Variants in CAMK1D observed in about 807,000 individuals in gnomAD.
CAMK1D encodes the protein calcium/calmodulin dependent protein kinase ID, also known as calcium/calmodulin-dependent protein kinase type 1D.
A neutral mutation model predicts 47.7 loss-of-function variants in CAMK1D; 9 were observed. The ratio of observed to expected loss-of-function variants is 0.19; its 90% CI spans 0.11 to 0.33. The LOEUF is 0.33. Among genes scored for constraint, CAMK1D ranks in the 10% least tolerant of loss-of-function variants. CAMK1D has a pLI of 1.00. For synonymous variants in CAMK1D, 184 were observed against 184.9 expected, an observed-to-expected ratio of 0.99 and a Z score of 0.04; for missense variants, 291 against 488.7, an observed-to-expected ratio of 0.60 and a Z score of 3.81.
Position 12,833,918 on chromosome 10 carries a change from A to T in CAMK1D, c.*5031A>T, listed in dbSNP as rs1053006106. ...AGACCAAACACTGTTCAGTTTGTTA[A>T]AAAAAAAAAAAAAAAAAAAAGATGT... On this transcript the variant is annotated 3_prime_UTR_variant, in exon 11 of 11. Coordinates refer to ENST00000619168, the MANE Select transcript of CAMK1D (RefSeq NM_153498.4). The T allele has an allele frequency of 7.6e-6, 1 of 130,844 alleles. No individual in the cohort carries two copies. The highest frequency in any genetic ancestry group is 3.3e-5 in the African/African-American group (1 of 29,972). 8.1% of individuals were successfully genotyped at this position (130,844 alleles called of 1,614,324 possible). A position where few individuals can be genotyped will look rare whatever the true frequency, so the allele number is the denominator to read the frequency against.
At chr10:12,541,842 T>TCTTCCTTCCTTCCTTC (rs150179810) in intron 1 of CAMK1D, among the ~76,000 whole-genome samples, 8,505 of 116,518 alleles carry the variant, frequency 0.073, 627 homozygotes, top group Non-Finnish European at 0.083. Flanking sequence ...CTGTGTTTTA[T>TCTTCCTTCCTTCCTTC]CTTCCTTCCT....
intron 3 of CAMK1D, among the ~76,000 whole-genome samples, chr10:12,733,873 A>G (rs542879604): frequency 1.3e-5 from 2 of 152,232 alleles, no homozygotes; most frequent in African/African-American, 2.4e-5. Flanking sequence ...CAGTCATTGT[A>G]TGTATACTCA....
intron 1 of CAMK1D, among the ~76,000 whole-genome samples, chr10:12,535,698 G>A (rs954972934): frequency 2.0e-5 from 3 of 152,172 alleles, no homozygotes; most frequent in Admixed American, 1.3e-4. Context: ...TGAAGGTTTG[G>A]TGCTTGATTT....
intron 2 of CAMK1D, among the ~76,000 whole-genome samples, chr10:12,657,596 G>A (rs779633558): frequency 6.6e-6 from 1 of 152,128 alleles, no homozygotes; most frequent in African/African-American, 2.4e-5. Context: ...CAGCTAGAAT[G>A]GTGCTGTCTT....
chr10:12,703,741 C>G (rs910741631), intron 3 of CAMK1D, among the ~76,000 whole-genome samples: 7 of 151,970 alleles, frequency 4.6e-5, no homozygotes, highest in African/African-American at 1.7e-4. Context: ...TGGTGGCATG[C>G]GCCTGTAGTC....
At chr10:12,443,243 G>A (rs1832833721) in intron 1 of CAMK1D, among the ~76,000 whole-genome samples, 1 of 152,182 alleles carries the variant, frequency 6.6e-6, no homozygotes, top group Non-Finnish European at 1.5e-5. Context: ...AATGTATTCA[G>A]TATTCATGGA....
intron 1 of CAMK1D, among the ~76,000 whole-genome samples, chr10:12,453,885 T>A (rs1441796571): frequency 1.3e-5 from 2 of 152,238 alleles, no homozygotes; most frequent in East Asian, 3.8e-4. Context: ...AAGATCTTTT[T>A]AGAATTCTGA....
intron 5 of CAMK1D, among the ~76,000 whole-genome samples, chr10:12,777,190 CA>C (rs1837288030): frequency 6.6e-6 from 1 of 151,980 alleles, no homozygotes; most frequent in South Asian, 2.1e-4. Context: ...GTCAGGGGGA[CA>C]AGCTGGATCC....
chr10:12,362,305 T>G (rs187172420), intron 1 of CAMK1D, among the ~76,000 whole-genome samples: 1 of 152,140 alleles, frequency 6.6e-6, no homozygotes, highest in Admixed American at 6.5e-5. Context: ...CTCAGTGAAT[T>G]TGGCTACTTT....
chr10:12,615,687 G>C (rs963766129), intron 2 of CAMK1D, among the ~76,000 whole-genome samples: 1 of 146,544 alleles, frequency 6.8e-6, no homozygotes, highest in Non-Finnish European at 1.5e-5. Context: ...GTATAGGTGT[G>C]TGTGGTTTGT....
chr10:12,457,951 G>C (rs1450222986), intron 1 of CAMK1D, among the ~76,000 whole-genome samples: 2 of 152,158 alleles, frequency 1.3e-5, no homozygotes, highest in African/African-American at 4.8e-5. Context: ...TGCCTCCTTT[G>C]CATGGGTCTT....
intron 1 of CAMK1D, among the ~76,000 whole-genome samples, chr10:12,358,892 T>G (rs1489842586): frequency 1.3e-5 from 2 of 152,144 alleles, no homozygotes; most frequent in African/African-American, 4.8e-5. Context: ...CAGGTTCCAT[T>G]GGGGAAGAAC....
chr10:12,789,806 T>C lies in CAMK1D; in HGVS notation c.566-1352T>C, dbSNP rs1231808293. ...AAGACCTAACTCAGAATCCAACAAG[T>C]ACTTTGTCAGCTCTAGCTATTTGTC... On this transcript the variant is annotated intron_variant, in intron 5 of 10. Coordinates refer to ENST00000619168, the MANE Select transcript of CAMK1D (RefSeq NM_153498.4). Among the ~76,000 whole-genome samples, 5 of 108,534 alleles carry C rather than the reference T, an allele frequency of 4.6e-5. No homozygotes were observed. In the East Asian group the frequency reaches 8.9e-4, roughly 19 times the overall value. 71.2% of individuals were successfully genotyped at this position (108,534 alleles called of 152,430 possible). A position where few individuals can be genotyped will look rare whatever the true frequency, so the allele number is the denominator to read the frequency against.
chr10:12,701,634 A>G (rs1833522488), intron 3 of CAMK1D, among the ~76,000 whole-genome samples: 1 of 152,222 alleles, frequency 6.6e-6, no homozygotes, highest in Non-Finnish European at 1.5e-5. Context: ...ATGTTTAAGT[A>G]TCTATCTTCC....
At chr10:12,473,032 G>A (rs1292472908) in intron 1 of CAMK1D, among the ~76,000 whole-genome samples, 3 of 152,112 alleles carry the variant, frequency 2.0e-5, no homozygotes, top group Non-Finnish European at 4.4e-5. Context: ...ATGCCTGACC[G>A]GAAGTCAGGA....
At chr10:12,559,927 A>G (rs951643254) in intron 2 of CAMK1D, among the ~76,000 whole-genome samples, 1 of 152,186 alleles carries the variant, frequency 6.6e-6, no homozygotes, top group East Asian at 1.9e-4. Context: ...GGCCGAAGTC[A>G]GGATGGATGG....
At chr10:12,746,111 C>G (rs1026817902) in intron 3 of CAMK1D, among the ~76,000 whole-genome samples, 4 of 152,080 alleles carry the variant, frequency 2.6e-5, no homozygotes, top group Admixed American at 6.6e-5. Context: ...GCCTGTAGAG[C>G]TATTAAAAAG....
rs28444581 is a variant in CAMK1D at position 12,399,486 on chromosome 10, A to G, written c.92+49576A>G. 9.9e-3 allele frequency among the ~76,000 whole-genome samples: 1,504 copies of G among 152,080 alleles called. 14 individuals carry two copies. Among genetic ancestry groups the G allele is most frequent in the African/African-American group, 0.028 (1,181 of 41,486 alleles). On this transcript the variant is annotated intron_variant, in intron 1 of 10. Coordinates refer to ENST00000619168, the MANE Select transcript of CAMK1D (RefSeq NM_153498.4). ...ACCACTGCACTCTTGCCTGGGTGAC[A>G]GAGCAAGACTCCGTCTGAAAAAAAA...
intron 3 of CAMK1D, among the ~76,000 whole-genome samples, chr10:12,744,393 A>C (rs968711809): frequency 6.6e-6 from 1 of 152,182 alleles, no homozygotes; most frequent in Non-Finnish European, 1.5e-5. Flanking sequence ...ACTTTTTGAG[A>C]AATTGTTAAA....
Sources: allele counts gnomAD v4.1 joint callset (sites outside exome capture counted in the v4.1 genomes callset), GRCh38; gene constraint gnomAD v4.1.1; transcripts MANE v1.5; gene names NCBI Gene and HGNC (gene_info 2026-07-23, HGNC 2026-07-21).